SESN1: variants seen among roughly 807,000 people sequenced by gnomAD.
SESN1 encodes the protein sestrin-1.
In SESN1, 30 loss-of-function variants were observed where a neutral mutation model predicts 59.3. The ratio of observed to expected loss-of-function variants is 0.51; its 90% CI spans 0.38 to 0.69. SESN1 has a LOEUF of 0.69. Ranked by LOEUF, SESN1 falls within the 30% of genes least tolerant of loss-of-function variation. The pLI is 0.00. For synonymous variants in SESN1, 197 were observed against 219.9 expected, an observed-to-expected ratio of 0.90 and a Z score of 0.92; for missense variants, 566 against 673.0, an observed-to-expected ratio of 0.84 and a Z score of 1.76.
At chr6:109,052,051 A>AT (rs770770773) in intron 1 of SESN1, among the ~76,000 whole-genome samples, 1 of 152,220 alleles carries the variant, frequency 6.6e-6, no homozygotes, top group Non-Finnish European at 1.5e-5. Flanking sequence ...TGCAAAAGTA[A>AT]TTGAGGTTTT....
intron 1 of SESN1, among the ~76,000 whole-genome samples, chr6:109,061,111 G>A (rs567496786): frequency 2.6e-5 from 4 of 152,136 alleles, no homozygotes; most frequent in Non-Finnish European, 5.9e-5. Context: ...TCATAACTCA[G>A]TTGTATATCT....
At chr6:109,084,255 T>C (rs1349206919) in intron 1 of SESN1, among the ~76,000 whole-genome samples, 2 of 152,196 alleles carry the variant, frequency 1.3e-5, no homozygotes, top group African/African-American at 4.8e-5. Context: ...TTCCCTTTAG[T>C]ATTGTTTAAA....
At chr6:108,996,979 T>C (rs1227861195) in intron 5 of SESN1, among the ~76,000 whole-genome samples, 5 of 151,898 alleles carry the variant, frequency 3.3e-5, no homozygotes, top group African/African-American at 7.2e-5. Context: ...TATAACATTC[T>C]GGAAAAGACA....
intron 1 of SESN1, among the ~76,000 whole-genome samples, chr6:109,038,673 T>G (rs1166908697): frequency 6.6e-6 from 1 of 152,226 alleles, no homozygotes; most frequent in Non-Finnish European, 1.5e-5. Context: ...GGGACAGAAT[T>G]GCCTATGCAA....
At chr6:109,087,275 T>C (rs1781228493) in intron 1 of SESN1, among the ~76,000 whole-genome samples, 1 of 152,064 alleles carries the variant, frequency 6.6e-6, no homozygotes, top group South Asian at 2.1e-4. Context: ...ACACTGAGTA[T>C]AGATAGTACA....
chr6:109,038,250 T>C (rs948947907), intron 1 of SESN1, among the ~76,000 whole-genome samples: 1 of 152,250 alleles, frequency 6.6e-6, no homozygotes, highest in Non-Finnish European at 1.5e-5. Context: ...CCCAGCACTT[T>C]GAGAGACCAA....
At chr6:109,044,130 C>T (rs1780384208) in intron 1 of SESN1, among the ~76,000 whole-genome samples, 1 of 151,468 alleles carries the variant, frequency 6.6e-6, no homozygotes, top group Admixed American at 6.6e-5. Flanking sequence ...GCCGAAGCAA[C>T]ACAGGGAGAC....
At chr6:109,032,359 C>CT (rs1165413360) in intron 1 of SESN1, among the ~76,000 whole-genome samples, 13 of 152,202 alleles carry the variant, frequency 8.5e-5, no homozygotes, top group African/African-American at 3.1e-4. Flanking sequence ...TGGCTCACGC[C>CT]TGTAATCCCA....
chr6:109,017,688 G>A (rs1393467644), intron 1 of SESN1, among the ~76,000 whole-genome samples: 4 of 152,138 alleles, frequency 2.6e-5, no homozygotes. Flanking sequence ...ATACAGATTA[G>A]CAGATAGCTT....
At chr6:109,003,555 T>G (rs1779670889) in intron 1 of SESN1, among the ~76,000 whole-genome samples, 2 of 152,174 alleles carry the variant, frequency 1.3e-5, no homozygotes, top group South Asian at 2.1e-4. Context: ...CCAACAGAAT[T>G]CATAAAATAA....
At chr6:109,036,613 T>C (rs1248236071) in intron 1 of SESN1, among the ~76,000 whole-genome samples, 2 of 152,196 alleles carry the variant, frequency 1.3e-5, no homozygotes, top group African/African-American at 4.8e-5. Flanking sequence ...CACTATAATA[T>C]GATATGATAA....
In SESN1 at chr6:108,984,711, T is replaced by C. The variant is rs1779136665; in HGVS notation, c.*2833A>G. Among the ~76,000 whole-genome samples, 1 of 152,244 alleles carries C rather than the reference T, an allele frequency of 6.6e-6. No individual in the cohort carries two copies. The highest frequency in any genetic ancestry group is 6.5e-5 in the Admixed American group (1 of 15,282). On this transcript the variant is annotated 3_prime_UTR_variant, in exon 10 of 10. Coordinates refer to ENST00000436639, the MANE Select transcript of SESN1 (RefSeq NM_014454.3). ...TTGTTAAATTTTTTTGGATCATTCATTGTTAGTGTATAGAAATACAACTGA... is the reference window on the plus strand; with the variant it reads ...TTGTTAAATTTTTTTGGATCATTCACTGTTAGTGTATAGAAATACAACTGA...
intron 1 of SESN1, among the ~76,000 whole-genome samples, chr6:109,027,583 C>T (rs1363032760): frequency 6.8e-6 from 1 of 147,644 alleles, no homozygotes; most frequent in Admixed American, 6.8e-5. Context: ...TTGTTCTTAA[C>T]AAGTGATTTT....
chr6:109,011,624 T>A (rs1180781626), intron 1 of SESN1, among the ~76,000 whole-genome samples: 3 of 148,780 alleles, frequency 2.0e-5, no homozygotes, highest in African/African-American at 5.1e-5. Context: ...ATTTTTAAAA[T>A]TTTTTTTCTT....
At chr6:109,040,180 AACAACT>A (rs1191171584) in intron 1 of SESN1, among the ~76,000 whole-genome samples, 1 of 152,194 alleles carries the variant, frequency 6.6e-6, no homozygotes, top group Non-Finnish European at 1.5e-5. Context: ...AAAGTTAAGC[AACAACT>A]ACCCCCACCA....
chr6:109,043,830 A>G (rs899939463), intron 1 of SESN1, among the ~76,000 whole-genome samples: 2 of 152,208 alleles, frequency 1.3e-5, no homozygotes, highest in Admixed American at 6.5e-5. Flanking sequence ...TGTAAATGTC[A>G]ACAAACTGAT....
intron 1 of SESN1, among the ~76,000 whole-genome samples, chr6:109,059,265 T>C (rs907269237): frequency 3.3e-5 from 5 of 152,178 alleles, no homozygotes; most frequent in Non-Finnish European, 7.3e-5. Flanking sequence ...TGGATTCTAA[T>C]AGTACTGCTT....
intron 1 of SESN1, among the ~76,000 whole-genome samples, chr6:109,019,204 AACACACACACAG>A (rs1195454456): frequency 6.6e-6 from 1 of 151,916 alleles, no homozygotes; most frequent in Non-Finnish European, 1.5e-5. Flanking sequence ...CACACACACA[AACACACACACAG>A]ACACACACCC....
At chr6:109,006,147 G>A (rs549604073) in intron 1 of SESN1, among the ~76,000 whole-genome samples, 1 of 152,246 alleles carries the variant, frequency 6.6e-6, no homozygotes, top group South Asian at 2.1e-4. Flanking sequence ...CAAAGAACAT[G>A]AGTCTATGAT....
Sources: allele counts gnomAD v4.1 joint callset (sites outside exome capture counted in the v4.1 genomes callset), GRCh38; gene constraint gnomAD v4.1.1; transcripts MANE v1.5; gene names NCBI Gene and HGNC (gene_info 2026-07-23, HGNC 2026-07-21).